Variants in EPHB2 observed in about 807,000 individuals in gnomAD.
EPHB2 encodes the protein ephrin type-B receptor 2.
Under a neutral mutation model 96.4 loss-of-function variants are expected in EPHB2, and 18 were observed. That is an observed-to-expected ratio of 0.19 (90% CI 0.13 to 0.28). The LOEUF (loss-of-function observed/expected upper bound fraction) is 0.28, where lower values mean the gene tolerates loss of function less well. Ranked by LOEUF, EPHB2 falls within the 10% of genes least tolerant of loss-of-function variation. EPHB2 has a pLI of 1.00. For synonymous variants in EPHB2, 506 were observed against 534.1 expected (o/e 0.95, Z 0.72); for missense variants, 989 against 1,355.4 (o/e 0.73, Z 4.25).
intron 1 of EPHB2, among the ~76,000 whole-genome samples, chr1:22,779,720 C>T (rs2817909): frequency 0.83 from 126,048 of 152,210 alleles, 53,528 homozygotes; most frequent in Non-Finnish European, 0.92. Flanking sequence ...AAGCCCCTTC[C>T]CATCCCTGTG....
intron 3 of EPHB2, among the ~76,000 whole-genome samples, chr1:22,824,617 T>A (rs998049989): frequency 2.0e-5 from 3 of 152,246 alleles, no homozygotes; most frequent in African/African-American, 7.2e-5. Context: ...CGCCCCTGTT[T>A]ACTCAGCTCC....
intron 1 of EPHB2, among the ~76,000 whole-genome samples, chr1:22,759,660 A>G (rs1049928900): frequency 1.3e-5 from 2 of 152,152 alleles, no homozygotes; most frequent in African/African-American, 2.4e-5. Flanking sequence ...ACCTCTGCCC[A>G]GCCACCTCCC....
Position 22,784,616 on chromosome 1 carries a change from G to A in EPHB2, c.351G>A (p.Glu117=), listed in dbSNP as rs1168377726. ...AGACCTTCAACCTCTATTACTATGA[G>A]GCTGACTTTGACTCGGCCACCAAGA... ...CKETFNLYYY[E]ADFDSATKTF... is the part of the protein sequence containing the mutation. Residue 117 remains glutamate, a synonymous_variant, in exon 3 of 16, where the codon GAG becomes GAA. Coordinates refer to ENST00000374630, the MANE Select transcript of EPHB2 (RefSeq NM_017449.5). This position sits in a 1 kb window ranked among gnomAD's most constrained non-coding sequence, Gnocchi z 5.1. 3.7e-6 allele frequency: 6 copies of A among 1,614,028 alleles called. No individual in the cohort carries two copies. Among genetic ancestry groups the A allele is most frequent in the Non-Finnish European group, 5.1e-6 (6 of 1,180,032 alleles).
intron 3 of EPHB2, among the ~76,000 whole-genome samples, chr1:22,850,739 AC>A (rs1479370190): frequency 1.3e-5 from 2 of 152,104 alleles, no homozygotes; most frequent in African/African-American, 4.8e-5. Flanking sequence ...TGTGGCATGA[AC>A]CCCAAATATA....
At chr1:22,760,276 A>C (rs974290925) in intron 1 of EPHB2, among the ~76,000 whole-genome samples, 1 of 152,092 alleles carries the variant, frequency 6.6e-6, no homozygotes, top group Non-Finnish European at 1.5e-5. Context: ...GGGAACCCCA[A>C]AAATGACCTT....
At chr1:22,795,438 T>C (rs1644753392) in intron 3 of EPHB2, among the ~76,000 whole-genome samples, 1 of 150,416 alleles carries the variant, frequency 6.6e-6, no homozygotes, top group South Asian at 2.1e-4. Context: ...CTAATGAGAA[T>C]TCTTCACGCC....
Position 22,891,907 on chromosome 1 carries a change from A to T in EPHB2, c.1429-977A>T, listed in dbSNP as rs191691225. 3.1e-3 allele frequency among the ~76,000 whole-genome samples: 476 copies of T among 151,236 alleles called. 5 individuals carry two copies. The highest frequency in any genetic ancestry group is 0.011 in the African/African-American group (441 of 41,156). On this transcript the variant is annotated intron_variant, in intron 6 of 15. Coordinates refer to ENST00000374630, the MANE Select transcript of EPHB2 (RefSeq NM_017449.5). The stretch of plus-strand genomic sequence containing the variant: ...CCTCCCAAGCTCAAGTGATCCTTTA[A>T]CCTCAGCCTCCCAAGTAGCTGGGAC...
chr1:22,716,095 C>T (rs565515617), intron 1 of EPHB2, among the ~76,000 whole-genome samples: 1 of 152,216 alleles, frequency 6.6e-6, no homozygotes, highest in Non-Finnish European at 1.5e-5. Context: ...GGTAACCCCC[C>T]AAGTGTGGAC....
intron 3 of EPHB2, among the ~76,000 whole-genome samples, chr1:22,789,211 C>T (rs1218951024): frequency 1.3e-5 from 2 of 152,240 alleles, no homozygotes; most frequent in Non-Finnish European, 2.9e-5. Context: ...AGGGATTGTC[C>T]TCCCTGGGGC....
At chr1:22,743,671 C>T (rs909160529) in intron 1 of EPHB2, among the ~76,000 whole-genome samples, 1 of 152,136 alleles carries the variant, frequency 6.6e-6, no homozygotes, top group Non-Finnish European at 1.5e-5. Flanking sequence ...TGGGGTTTCA[C>T]CACGTTGGCC....
chr1:22,883,642 G>GCTGGAGCCCAACTTT (rs1639122163), intron 6 of EPHB2, among the ~76,000 whole-genome samples: 1 of 152,222 alleles, frequency 6.6e-6, no homozygotes, highest in Non-Finnish European at 1.5e-5. Flanking sequence ...AGCCAGTCCT[G>GCTGGAGCCCAACTTT]CTGGAGCCCA....
chr1:22,761,348 A>G (rs762780614), intron 1 of EPHB2, among the ~76,000 whole-genome samples: 2 of 152,122 alleles, frequency 1.3e-5, no homozygotes, highest in African/African-American at 4.8e-5. Flanking sequence ...GGGGGGAGAT[A>G]ATTATTATTT....
intron 7 of EPHB2, among the ~76,000 whole-genome samples, chr1:22,893,815 G>A (rs1639467630): frequency 1.3e-5 from 2 of 152,174 alleles, no homozygotes; most frequent in Admixed American, 6.5e-5. Flanking sequence ...TAAGTCCCAA[G>A]CATTTCAGCA....
intron 5 of EPHB2, among the ~76,000 whole-genome samples, chr1:22,876,831 C>T (rs1415164741): frequency 1.3e-5 from 2 of 152,196 alleles, no homozygotes; most frequent in Non-Finnish European, 2.9e-5. Flanking sequence ...CCCACTGGCC[C>T]GCCTTGATCA....
At chr1:22,785,225 G>T in intron 3 of EPHB2, 149 bp downstream of exon 3, 1 of 1,008,176 alleles carries the variant, frequency 9.9e-7, no homozygotes, top group Non-Finnish European at 1.4e-6. Flanking sequence ...AGCAACCATC[G>T]TTCAGCTTCT....
chr1:22,754,245 G>A (rs906072961), intron 1 of EPHB2, among the ~76,000 whole-genome samples: 27 of 152,182 alleles, frequency 1.8e-4, no homozygotes, highest in Non-Finnish European at 3.2e-4. Flanking sequence ...CTCCCGTCTT[G>A]TGGTTCCCAG....
At chr1:22,736,762 C>CT (rs1295096663) in intron 1 of EPHB2, among the ~76,000 whole-genome samples, 4 of 152,190 alleles carry the variant, frequency 2.6e-5, no homozygotes, top group African/African-American at 4.8e-5. Context: ...AGAGAGGAGC[C>CT]TTTTTTTCCC....
intron 3 of EPHB2, among the ~76,000 whole-genome samples, chr1:22,824,295 GGAAAGAAA>G (rs565366377): frequency 6.6e-6 from 1 of 151,098 alleles, no homozygotes; most frequent in African/African-American, 2.4e-5. Context: ...AAGGAAGGAA[GGAAAGAAA>G]GAAAGAAGGA....
At chr1:22,772,083 C>G (rs903276327) in intron 1 of EPHB2, among the ~76,000 whole-genome samples, 1 of 152,014 alleles carries the variant, frequency 6.6e-6, no homozygotes, top group African/African-American at 2.4e-5. Context: ...CCCAGCAACC[C>G]CGTCCCAGAC....
Sources: allele counts gnomAD v4.1 joint callset (sites outside exome capture counted in the v4.1 genomes callset), GRCh38; gene constraint gnomAD v4.1.1; non-coding constraint Gnocchi (gnomAD v3.1); transcripts MANE v1.5; gene names NCBI Gene and HGNC (gene_info 2026-07-23, HGNC 2026-07-21).